Variants in OTP observed in about 807,000 individuals in gnomAD.
OTP encodes the protein homeobox protein orthopedia.
Under a neutral mutation model 22.3 loss-of-function variants are expected in OTP, and 5 were observed. That is an observed-to-expected ratio of 0.22 (90% CI 0.12 to 0.47). The LOEUF (loss-of-function observed/expected upper bound fraction) is 0.47, where lower values mean the gene tolerates loss of function less well. OTP is among the 20% of genes least tolerant of loss of function. The probability of loss-of-function intolerance (pLI) is 0.99; values close to 1 mark genes in which losing one functional copy is unlikely to be tolerated. For missense variants in OTP, 428 were observed against 456.2 expected (o/e 0.94, Z 0.56); for synonymous variants, 229 against 210.6 (o/e 1.09, Z -0.76).
At chr5:77,636,460 T>G in intron 2 of OTP, 2 of 239,194 alleles carry the variant, frequency 8.4e-6, no homozygotes, top group African/African-American at 2.2e-5. Context: ...GGGGGTAATA[T>G]TTGTCAATAA....
chr5:77,630,408 G>T lies in OTP; in HGVS notation c.834C>A (p.Pro278=), dbSNP rs1465462423. 1 of 1,581,942 alleles carries T rather than the reference G, an allele frequency of 6.3e-7. No homozygotes were observed. The highest frequency in any genetic ancestry group is 2.3e-5 in the East Asian group (1 of 43,882). ...CGTTGCTGGGGCCGGGGAGGGAGGC[G>T]GGCACCATGCCGGGGAAGGCGGGCT... ...LYQPAFPGMV[P]ASLPGPSNVS... Residue 278 remains proline (P), a synonymous_variant, in exon 3 of 3, where the codon CCC becomes CCA. Coordinates refer to ENST00000306422, the MANE Select transcript of OTP (RefSeq NM_032109.3).
In OTP at chr5:77,637,151, C is replaced by T. The variant is rs1461198355; in HGVS notation, c.117G>A (p.Gly39=). The T allele has an allele frequency of 1.3e-6, 2 of 1,590,992 alleles. No homozygotes were observed. The highest frequency in any genetic ancestry group is 2.3e-5 in the South Asian group (2 of 88,476). ...CRLGVGGSDP[G]GHPGDLAPNS... is the part of the protein sequence containing the mutation. ...TGGGCGCCAGGTCCCCCGGATGGCC[C>T]CCGGGGTCGGAGCCCCCCACGCCCA... Residue 39 remains glycine (G), a synonymous_variant, in exon 2 of 3, where the codon GGG becomes GGA. Coordinates refer to ENST00000306422, the MANE Select transcript of OTP (RefSeq NM_032109.3).
At position 77,630,671 on chromosome 5, in the gene OTP, C is replaced by G; in HGVS notation, c.571G>C (p.Ala191Pro). The G allele has an allele frequency of 1.3e-6, 2 of 1,577,838 alleles. No individual in the cohort carries two copies. Among genetic ancestry groups the G allele is most frequent in the Non-Finnish European group, 1.7e-6 (2 of 1,170,082 alleles). Residue 191 changes from alanine to proline, a missense_variant, in exon 3 of 3, where the codon GCT becomes CCT. Around this residue, in one of 3 missense-constraint regions of OTP, gnomAD observed 236 missense variants for 238.1 expected, o/e 0.99. Coordinates refer to ENST00000306422, the MANE Select transcript of OTP (RefSeq NM_032109.3). ...AGGCTGTCGCCCATGGCGGCGGCAGCGGCGGCGGCAGCCGACGGGAACTGA... is the reference window on the plus strand; with the variant it reads ...AGGCTGTCGCCCATGGCGGCGGCAGGGGCGGCGGCAGCCGACGGGAACTGA... ...LPQFPSAAAAAAAAMGDSLCS... is the reference protein window; with the variant it reads ...LPQFPSAAAAPAAAMGDSLCS...
chr5:77,638,378 A>G lies in OTP; in HGVS notation c.37+135T>C, dbSNP rs553720545. The stretch of plus-strand genomic sequence containing the variant: ...TTTTTTAAAGGCGATGTTAAATCAA[A>G]TTAAACTTTAATGCAGCACAATTAC... On this transcript the variant is annotated intron_variant, in intron 1 of 2. Coordinates refer to ENST00000306422, the MANE Select transcript of OTP (RefSeq NM_032109.3). 9.0e-4 allele frequency: 773 copies of G among 859,426 alleles called. 2 individuals are homozygous for G. The highest frequency in any genetic ancestry group is 1.5e-3 in the Admixed American group (64 of 41,460). The allele number at this position is 859,426 out of a possible 1,614,324, so 53.2% of individuals were successfully genotyped here.
rs945335183 is a variant in OTP at position 77,638,583 on chromosome 5, C to G, written c.-34G>C. On this transcript the variant is annotated 5_prime_UTR_variant, in exon 1 of 3. Coordinates refer to ENST00000306422, the MANE Select transcript of OTP (RefSeq NM_032109.3). ...GCTCCAGGGCGAAAGCTGTTCCCCC[C>G]CAAATTTTAGCGGCTTTAAGTTATT... is the stretch of plus-strand genomic sequence containing the variant. The G allele has an allele frequency of 1.9e-6, 3 of 1,543,096 alleles. No homozygotes were observed. The highest frequency in any genetic ancestry group is 2.6e-6 in the Non-Finnish European group (3 of 1,150,190).
rs754132897 is a variant in OTP, at chr5:77,630,690, G to T, written c.552C>A (p.Phe184Leu). 32 of 1,582,754 alleles carry T rather than the reference G, an allele frequency of 2.0e-5. No individual in the cohort carries two copies. Among genetic ancestry groups the T allele is most frequent in the Non-Finnish European group, 2.6e-5 (31 of 1,172,500 alleles). The change falls in exon 3 of 3, where the codon TTC (phenylalanine) becomes TTA (leucine). Residue 184 changes from phenylalanine (F) to leucine (L), a missense_variant. Coordinates refer to ENST00000306422, the MANE Select transcript of OTP (RefSeq NM_032109.3). Reference protein sequence around the residue: ...TLLPTPGLPQFPSAAAAAAAA... With the variant: ...TLLPTPGLPQLPSAAAAAAAA... ...CGGCAGCGGCGGCGGCAGCCGACGGGAACTGAGGCAGGCCTGGCGTGGGCA... is the reference window on the plus strand; with the variant it reads ...CGGCAGCGGCGGCGGCAGCCGACGGTAACTGAGGCAGGCCTGGCGTGGGCA...
At chr5:77,630,917 G>T in intron 2 of OTP, 123 bp from the exon 3 acceptor site, 3 of 1,136,616 alleles carry the variant, frequency 2.6e-6, no homozygotes, top group Non-Finnish European at 3.6e-6. Context: ...AGGAACAAGT[G>T]CCGTAGGCCC....
chr5:77,632,682 G>A (rs1159349856), intron 2 of OTP, among the ~76,000 whole-genome samples: 3 of 152,128 alleles, frequency 2.0e-5, no homozygotes, highest in South Asian at 2.1e-4. Context: ...CTGCGCCGTC[G>A]CCTACCACTT....
chr5:77,630,729 C>T lies in OTP; in HGVS notation c.513G>A (p.Ala171=). 1.3e-6 allele frequency: 2 copies of T among 1,583,864 alleles called. No individual in the cohort carries two copies. Among genetic ancestry groups the T allele is most frequent in the Middle Eastern group, 1.7e-4 (1 of 5,998 alleles). Reference sequence around the variant, plus strand: ...CTGGCGTGGGCAGCAGTGTGCCGGGCGCACGGAACACGTTGGTCGTCTTTT... The same window carrying T: ...CTGGCGTGGGCAGCAGTGTGCCGGGTGCACGGAACACGTTGGTCGTCTTTT... ...KRKKTTNVFR[A]PGTLLPTPGL... Residue 171 remains alanine, a synonymous_variant, in exon 3 of 3, where the codon GCG becomes GCA. Transcript: ENST00000306422.
At chr5:77,630,817 C>G (rs1561245395) in intron 2 of OTP, 23 bp from the exon 3 acceptor site, 1 of 1,514,196 alleles carries the variant, frequency 6.6e-7, no homozygotes, top group Non-Finnish European at 8.8e-7. Context: ...GGGCGGGAGA[C>G]AGACAGGGAG....
At chr5:77,631,931 C>T (rs114863260) in intron 2 of OTP, among the ~76,000 whole-genome samples, 1,977 of 152,180 alleles carry the variant, frequency 0.013, 45 homozygotes, top group African/African-American at 0.046. Flanking sequence ...CTCAAGTCGC[C>T]CCCATTTCAT....
intron 2 of OTP, chr5:77,636,431 G>T (rs73130039): frequency 0.052 from 9,525 of 184,796 alleles, 972 homozygotes; most frequent in African/African-American, 0.21. Flanking sequence ...TTATCCAAAC[G>T]CTTAACACAA....
rs966024501 is a variant in OTP at position 77,630,182 on chromosome 5, G to T, written c.*82C>A. The T allele has an allele frequency of 6.5e-6, 6 of 927,992 alleles. No individual in the cohort carries two copies. The highest frequency in any genetic ancestry group is 7.1e-6 in the Non-Finnish European group (5 of 707,782). The allele number at this position is 927,992 out of a possible 1,614,324, so 57.5% of individuals were successfully genotyped here. On this transcript the variant is annotated 3_prime_UTR_variant, in exon 3 of 3. Transcript: ENST00000306422. ...CCGGGGCGGGACGGGGCAGGGCGCC[G>T]GGGTCCGGGTGCGCGCCGGAAGGGC...
rs1744915766 is a variant in OTP at position 77,630,708 on chromosome 5, C to A, written c.534G>T (p.Thr178=). The A allele has an allele frequency of 1.3e-6, 2 of 1,583,566 alleles. No individual in the cohort carries two copies. The highest frequency in any genetic ancestry group is 1.7e-5 in the Admixed American group (1 of 57,606). ...VFRAPGTLLP[T]PGLPQFPSAA... ...CCGACGGGAACTGAGGCAGGCCTGG[C>A]GTGGGCAGCAGTGTGCCGGGCGCAC... The change falls in exon 3 of 3, where the codon ACG becomes ACT. Residue 178 remains threonine, a synonymous_variant. Coordinates refer to ENST00000306422, the MANE Select transcript of OTP (RefSeq NM_032109.3).
intron 2 of OTP, among the ~76,000 whole-genome samples, chr5:77,633,991 T>C (rs1332757231): frequency 1.3e-5 from 2 of 151,966 alleles, no homozygotes; most frequent in Non-Finnish European, 1.5e-5. Flanking sequence ...ATTAGAAAAC[T>C]AGAAAATACT....
rs1745010455 is a variant in OTP, at chr5:77,636,548, C to T, written c.447+273G>A. 9 of 392,350 alleles carry T rather than the reference C, an allele frequency of 2.3e-5. No homozygotes were observed. In the East Asian group the frequency reaches 3.7e-4, roughly 16 times the overall value. 24.3% of individuals were successfully genotyped at this position (392,350 alleles called of 1,614,324 possible). ...AGGTTGCCTTCTCAGGCGGAGGAGG[C>T]GAACCCTGTAGCCCGACAACGCCGG... is the stretch of plus-strand genomic sequence containing the variant. On this transcript the variant is annotated intron_variant, in intron 2 of 2. Coordinates refer to ENST00000306422, the MANE Select transcript of OTP (RefSeq NM_032109.3).
intron 2 of OTP, 118 bp from the exon 3 acceptor site, chr5:77,630,912 C>T: frequency 8.5e-7 from 1 of 1,181,510 alleles, no homozygotes; most frequent in Non-Finnish European, 1.1e-6. Flanking sequence ...CTGGGAGGAA[C>T]AAGTGCCGTA....
chr5:77,633,558 T>G (rs1580063803), intron 2 of OTP, among the ~76,000 whole-genome samples: 2 of 152,184 alleles, frequency 1.3e-5, no homozygotes, highest in East Asian at 3.8e-4. Context: ...ACGGGCCAAC[T>G]TTGTACTCAG....
rs959674314 is a variant in OTP, at chr5:77,636,999, G to A, written c.269C>T (p.Pro90Leu). The change falls in exon 2 of 3, where the codon CCG (proline) becomes CTG (leucine). Residue 90 changes from proline to leucine, a missense_variant. By Grantham distance (98) the Pro-to-Leu change is moderately conservative. Coordinates refer to ENST00000306422, the MANE Select transcript of OTP (RefSeq NM_032109.3). Reference protein sequence around the residue: ...PDKQPGPQGGPNPSQAGQQQG... With the variant: ...PDKQPGPQGGLNPSQAGQQQG... ...CTGCTGGCCGGCTTGGCTGGGGTTC[G>A]GGCCGCCCTGGGGCCCGGGCTGCTT... is the stretch of plus-strand genomic sequence containing the variant. The A allele has an allele frequency of 2.5e-6, 4 of 1,613,458 alleles. No individual in the cohort carries two copies. Among genetic ancestry groups the A allele is most frequent in the Admixed American group, 1.7e-5 (1 of 59,996 alleles).
Sources: gnomAD v4.1 joint callset for allele counts (sites outside exome capture counted in the v4.1 genomes callset) on GRCh38, gnomAD v4.1.1 for gene constraint, gnomAD v4.1.1 regional missense constraint, MANE v1.5 for transcripts, NCBI Gene and HGNC (gene_info 2026-07-23, HGNC 2026-07-21) for gene names.